FGFR2: variants seen among roughly 807,000 people sequenced by gnomAD.
FGFR2 encodes BEK fibroblast growth factor receptor.
Under a neutral mutation model 95.9 loss-of-function variants are expected in FGFR2, and 19 were observed. The observed-to-expected ratio is 0.20, with a 90% CI of 0.14 to 0.29. FGFR2 has a LOEUF of 0.29. FGFR2 is among the 10% of genes least tolerant of loss of function. The probability of loss-of-function intolerance (pLI) is 1.00; values close to 1 mark genes in which losing one functional copy is unlikely to be tolerated. For synonymous variants in FGFR2, 392 were observed against 393.3 expected (o/e 1.00, Z 0.04); for missense variants, 707 against 1,056.9 (o/e 0.67, Z 4.59).
chr10:121,490,877 A>G (rs1846045368), intron 13 of FGFR2, among the ~76,000 whole-genome samples: 1 of 152,188 alleles, frequency 6.6e-6, no homozygotes, highest in Non-Finnish European at 1.5e-5. Flanking sequence ...GAAGCGGGAA[A>G]GCAAGAAAGC....
At chr10:121,519,919 T>C (rs1413445702) in intron 7 of FGFR2, 60 bp downstream of exon 7, 1 of 1,538,574 alleles carries the variant, frequency 6.5e-7, no homozygotes, top group Admixed American at 1.7e-5. Context: ...AAAGAACCTG[T>C]GGCCAAACCC....
intron 4 of FGFR2, among the ~76,000 whole-genome samples, chr10:121,561,382 C>T (rs1856937234): frequency 6.6e-6 from 1 of 150,798 alleles, no homozygotes; most frequent in Non-Finnish European, 1.5e-5. Flanking sequence ...TGAGATCGCA[C>T]CATTGCGCTC....
At chr10:121,496,777 G>A (rs2133947424) in intron 12 of FGFR2, 55 bp from the exon 13 acceptor site, 1 of 1,505,872 alleles carries the variant, frequency 6.6e-7, no homozygotes, top group South Asian at 1.1e-5. Flanking sequence ...CTCCCCTTGG[G>A]CAATTCAGCA....
chr10:121,581,738 T>C (rs1195626055), intron 2 of FGFR2, among the ~76,000 whole-genome samples: 9 of 126,330 alleles, frequency 7.1e-5, no homozygotes, highest in Non-Finnish European at 1.3e-4. Context: ...GGTGACACAG[T>C]GAACAGAGAG....
At chr10:121,537,377 T>C (rs149015424) in intron 6 of FGFR2, among the ~76,000 whole-genome samples, 16 of 152,364 alleles carry the variant, frequency 1.1e-4, no homozygotes, top group Non-Finnish European at 2.2e-4. Context: ...AAAATCAAAA[T>C]AGTTTTGTTT....
intron 6 of FGFR2, among the ~76,000 whole-genome samples, chr10:121,537,635 C>T (rs979660618): frequency 6.6e-6 from 1 of 152,194 alleles, no homozygotes; most frequent in South Asian, 2.1e-4. Context: ...GAATTACCAA[C>T]AGTCACATTA....
chr10:121,522,958 A>G (rs376246205), intron 6 of FGFR2, among the ~76,000 whole-genome samples: 4 of 152,324 alleles, frequency 2.6e-5, no homozygotes, highest in East Asian at 3.9e-4. Flanking sequence ...GCAAATTAGA[A>G]CAATAGATAT....
intron 6 of FGFR2, 155 bp downstream of exon 6, chr10:121,538,437 C>T (rs971590223): frequency 5.2e-6 from 6 of 1,143,598 alleles, no homozygotes; most frequent in Non-Finnish European, 8.0e-6. Flanking sequence ...TGTCAGATGA[C>T]AGAAGCAGCC....
rs114084854 is a variant in FGFR2 at position 121,530,046 on chromosome 10, G to A, written c.748+8546C>T. Among the ~76,000 whole-genome samples, 756 of 152,148 alleles carry A rather than the reference G, an allele frequency of 5.0e-3. 7 individuals carry two copies. Among genetic ancestry groups the A allele is most frequent in the African/African-American group, 0.017 (693 of 41,518 alleles). ...TCCCCACAGCAACACCGACACCCTT[G>A]GCCATCTATTTCCCACAGACACCCA... On this transcript the variant is annotated intron_variant, in intron 6 of 17. Transcript: ENST00000358487.
rs1195113248 is a variant in FGFR2 at position 121,565,895 on chromosome 10, G to T, written c.110-191C>A. 4 of 647,512 alleles carry T rather than the reference G, an allele frequency of 6.2e-6. No individual in the cohort carries two copies. In the East Asian group the frequency reaches 8.2e-5, roughly 13 times the overall value. 40.1% of individuals were successfully genotyped at this position (647,512 alleles called of 1,614,324 possible). On this transcript the variant is annotated intron_variant, in intron 2 of 17. Coordinates refer to ENST00000358487, the MANE Select transcript of FGFR2 (RefSeq NM_000141.5). Reference sequence around the variant, plus strand: ...GAAGTATCTGGAAGAGCAACCAGAGGATACCCCCAGAAAATCTGTCCTGAC... The same window carrying T: ...GAAGTATCTGGAAGAGCAACCAGAGTATACCCCCAGAAAATCTGTCCTGAC...
intron 1 of FGFR2, among the ~76,000 whole-genome samples, chr10:121,596,806 C>T (rs1437873150): frequency 6.6e-6 from 1 of 152,010 alleles, no homozygotes; most frequent in Admixed American, 6.6e-5. Context: ...TCCTGTTTTT[C>T]TCCCCCTTCT....
chr10:121,571,420 T>C (rs951518290), intron 2 of FGFR2, among the ~76,000 whole-genome samples: 1 of 149,418 alleles, frequency 6.7e-6, no homozygotes, highest in African/African-American at 2.5e-5. Flanking sequence ...TGCCTCAGCC[T>C]CTGGAGTAAT....
chr10:121,509,228 G>C (rs1181135704), intron 9 of FGFR2, among the ~76,000 whole-genome samples: 1 of 151,770 alleles, frequency 6.6e-6, no homozygotes, highest in Non-Finnish European at 1.5e-5. Flanking sequence ...CAATCAACAC[G>C]AACACTCTAG....
chr10:121,484,199 C>G (rs1211688763), intron 16 of FGFR2, among the ~76,000 whole-genome samples: 5 of 152,120 alleles, frequency 3.3e-5, no homozygotes, highest in Admixed American at 1.3e-4. Context: ...CAAAGCAGCT[C>G]CACTATTTAT....
At chr10:121,554,549 C>T (rs1160559548) in intron 4 of FGFR2, among the ~76,000 whole-genome samples, 17 of 116,702 alleles carry the variant, frequency 1.5e-4, no homozygotes, top group African/African-American at 7.7e-4. Flanking sequence ...GACAGGGTTT[C>T]ACCGTTTTAG....
intron 5 of FGFR2, among the ~76,000 whole-genome samples, chr10:121,540,815 G>C (rs990345797): frequency 1.2e-4 from 18 of 152,166 alleles, no homozygotes; most frequent in African/African-American, 4.3e-4. Flanking sequence ...CACGGCTAGT[G>C]CCTGTCTCTG....
chr10:121,500,730 C>A, intron 11 of FGFR2, 96 bp downstream of exon 11: 5 of 1,546,660 alleles, frequency 3.2e-6, no homozygotes, highest in Non-Finnish European at 4.4e-6. Flanking sequence ...TGCTCTCTGA[C>A]CCCGTGCCAT....
intron 2 of FGFR2, among the ~76,000 whole-genome samples, chr10:121,586,056 T>C (rs904754711): frequency 6.6e-6 from 1 of 152,218 alleles, no homozygotes; most frequent in Non-Finnish European, 1.5e-5. Flanking sequence ...ACACACACCA[T>C]AGATACACAC....
At chr10:121,557,135 C>T (rs1358640896) in intron 4 of FGFR2, among the ~76,000 whole-genome samples, 1 of 152,212 alleles carries the variant, frequency 6.6e-6, no homozygotes, top group Non-Finnish European at 1.5e-5. Context: ...AGTGAAAGAA[C>T]TGAGCCCACT....
Sources: allele counts gnomAD v4.1 joint callset (sites outside exome capture counted in the v4.1 genomes callset), GRCh38; gene constraint gnomAD v4.1.1; transcripts MANE v1.5; gene names NCBI Gene and HGNC (gene_info 2026-07-23, HGNC 2026-07-21).